Variants in TENM2 observed in about 807,000 individuals in gnomAD.
TENM2 encodes the protein teneurin-2.
A neutral mutation model predicts 245.2 loss-of-function variants in TENM2; 52 were observed. That is an observed-to-expected ratio of 0.21 (90% CI 0.17 to 0.27). The LOEUF is 0.27. Among genes scored for constraint, TENM2 ranks in the 10% least tolerant of loss-of-function variants. The pLI is 1.00. For missense variants in TENM2, 3,046 were observed against 3,666.8 expected (o/e 0.83, Z 4.37); for synonymous variants, 1,363 against 1,438.9 (o/e 0.95, Z 1.19).
At chr5:167,832,243 T>A (rs554474273) in intron 2 of TENM2, among the ~76,000 whole-genome samples, 1 of 152,336 alleles carries the variant, frequency 6.6e-6, no homozygotes, top group South Asian at 2.1e-4. Flanking sequence ...GTGGATTACA[T>A]GCTTTTAATG....
Position 168,127,869 on chromosome 5 carries a change from C to T in TENM2, c.2422+903C>T, listed in dbSNP as rs116533120. Among the ~76,000 whole-genome samples, 1,017 of 152,260 alleles carry T rather than the reference C, an allele frequency of 6.7e-3. 15 individuals carry two copies. Among genetic ancestry groups the T allele is most frequent in the African/African-American group, 0.024 (979 of 41,544 alleles). On this transcript the variant is annotated intron_variant, in intron 12 of 28. Transcript: ENST00000518659. ...GGAAATTCTCAAAGACGTTTCCAGC[C>T]AAACTACAGTTTGGCCCCTTGAAGT...
At chr5:167,047,489 G>C in the TENM2 span, among the ~76,000 whole-genome samples, 21 of 76,420 alleles carry the variant, frequency 2.7e-4, no homozygotes, top group Admixed American at 2.4e-4. Context: ...AATTTATAAT[G>C]TGAGAATTAG....
chr5:167,874,383 C>G (rs1333990671), intron 2 of TENM2, among the ~76,000 whole-genome samples: 1 of 152,086 alleles, frequency 6.6e-6, no homozygotes, highest in Non-Finnish European at 1.5e-5. Context: ...AATAATGAAT[C>G]AGAAAATACA....
At chr5:167,044,012 G>C in the TENM2 span, among the ~76,000 whole-genome samples, 92,583 of 147,858 alleles carry the variant, frequency 0.63, 31,113 homozygotes, top group African/African-American at 0.88. Flanking sequence ...GAGCGAGACT[G>C]CATCTCAAAT....
At chr5:167,413,402 T>A (rs1352130401) in intron 2 of TENM2, among the ~76,000 whole-genome samples, 1 of 152,156 alleles carries the variant, frequency 6.6e-6, no homozygotes, top group East Asian at 1.9e-4. Context: ...TGGATAAACT[T>A]GTATGAGGTC....
chr5:167,407,218 A>G (rs1030177261), intron 2 of TENM2, among the ~76,000 whole-genome samples: 3 of 152,114 alleles, frequency 2.0e-5, no homozygotes, highest in Non-Finnish European at 2.9e-5. Context: ...GGACTTTGTG[A>G]GCAGTGATCT....
intron 2 of TENM2, among the ~76,000 whole-genome samples, chr5:167,873,017 C>T (rs1773113606): frequency 6.6e-6 from 1 of 152,368 alleles, no homozygotes; most frequent in South Asian, 2.1e-4. Flanking sequence ...AGATATGCCT[C>T]AATAACACAA....
chr5:166,987,351 G>A, the TENM2 span, among the ~76,000 whole-genome samples: 2 of 152,036 alleles, frequency 1.3e-5, no homozygotes, highest in South Asian at 2.1e-4. Context: ...AGAAGCAAAA[G>A]TACTATTGTG....
At chr5:167,862,692 G>A (rs1352572495) in intron 2 of TENM2, among the ~76,000 whole-genome samples, 1 of 152,216 alleles carries the variant, frequency 6.6e-6, no homozygotes, top group Non-Finnish European at 1.5e-5. Context: ...ACCTGCCTCT[G>A]CGGGGCCTGA....
At chr5:168,076,057 C>G (rs1233434980) in intron 7 of TENM2, among the ~76,000 whole-genome samples, 1 of 152,176 alleles carries the variant, frequency 6.6e-6, no homozygotes, top group Non-Finnish European at 1.5e-5. Flanking sequence ...CAAACCATAT[C>G]AGTTTCTGTG....
chr5:167,828,634 T>C (rs114323897), intron 2 of TENM2, among the ~76,000 whole-genome samples: 12,150 of 152,242 alleles, frequency 0.08, 582 homozygotes, highest in Middle Eastern at 0.13. Flanking sequence ...TCTTAATCTA[T>C]TTACCTACAT....
At chr5:167,401,232 C>A (rs1030427949) in intron 2 of TENM2, among the ~76,000 whole-genome samples, 1 of 152,056 alleles carries the variant, frequency 6.6e-6, no homozygotes, top group Admixed American at 6.6e-5. Context: ...GACAATCGAA[C>A]GGTGTCTGTC....
intron 2 of TENM2, among the ~76,000 whole-genome samples, chr5:167,728,378 G>A (rs970156757): frequency 6.6e-6 from 1 of 152,030 alleles, no homozygotes; most frequent in Admixed American, 6.6e-5. Context: ...TGAGGTGAGA[G>A]GATCCCTTGA....
chr5:167,565,495 G>C (rs1310490785), intron 2 of TENM2, among the ~76,000 whole-genome samples: 1 of 152,176 alleles, frequency 6.6e-6, no homozygotes, highest in East Asian at 1.9e-4. Flanking sequence ...CTATTAATTG[G>C]TGCCCCAGCA....
At chr5:168,045,571 G>A (rs1187664007) in intron 5 of TENM2, among the ~76,000 whole-genome samples, 4 of 152,160 alleles carry the variant, frequency 2.6e-5, no homozygotes, top group African/African-American at 9.7e-5. Context: ...TTCCATAGAC[G>A]TGAAATCAAA....
chr5:167,900,137 G>C (rs896052631), intron 3 of TENM2, among the ~76,000 whole-genome samples: 20 of 112,692 alleles, frequency 1.8e-4, no homozygotes, highest in African/African-American at 2.3e-4. Context: ...AAAAAAAGGG[G>C]GGGGGGGTTT....
At chr5:167,342,909 A>C (rs1452581504) in intron 1 of TENM2, among the ~76,000 whole-genome samples, 1 of 150,670 alleles carries the variant, frequency 6.6e-6, no homozygotes, top group African/African-American at 2.4e-5. Flanking sequence ...ACACTTTAAG[A>C]GTAGGGAGTT....
the TENM2 span, among the ~76,000 whole-genome samples, chr5:167,029,056 T>C: frequency 1.3e-5 from 2 of 152,180 alleles, no homozygotes; most frequent in African/African-American, 4.8e-5. Context: ...CATGAAAAAT[T>C]GTAACTCAGC....
intron 9 of TENM2, among the ~76,000 whole-genome samples, chr5:168,107,563 G>T (rs963466290): frequency 3.3e-5 from 5 of 152,114 alleles, no homozygotes; most frequent in African/African-American, 1.2e-4. Flanking sequence ...CCTGGGGGGG[G>T]GGTCTGATGC....
Sources: gnomAD v4.1 joint callset for allele counts (sites outside exome capture counted in the v4.1 genomes callset) on GRCh38, gnomAD v4.1.1 for gene constraint, MANE v1.5 for transcripts, NCBI Gene and HGNC (gene_info 2026-07-23, HGNC 2026-07-21) for gene names.